The following THADA variants were observed in gnomAD, a reference collection of about 807,000 sequenced individuals.
The protein encoded by THADA is THADA armadillo repeat containing.
Under a neutral mutation model 219.8 loss-of-function variants are expected in THADA, and 213 were observed. That is an observed-to-expected ratio of 0.97 (90% CI 0.87 to 1.09). The LOEUF is 1.09. Among genes scored for constraint, THADA ranks in the 50% least tolerant of loss-of-function variants. The pLI is 0.00. For synonymous variants in THADA, 1,018 were observed against 828.9 expected (o/e 1.23, Z -3.92); for missense variants, 2,956 against 2,311.3 (o/e 1.28, Z -5.72).
chr2:43,411,102 C>A (rs1444223473), intron 28 of THADA, among the ~76,000 whole-genome samples: 1 of 152,140 alleles, frequency 6.6e-6, no homozygotes, highest in Non-Finnish European at 1.5e-5. Context: ...AACAATCACA[C>A]AAGAATTAAA....
At chr2:43,256,473 A>C (rs1040249980) in intron 36 of THADA, among the ~76,000 whole-genome samples, 8 of 151,932 alleles carry the variant, frequency 5.3e-5, no homozygotes, top group African/African-American at 1.9e-4. Context: ...CAGGGGCATG[A>C]TCACGGCTCA....
intron 29 of THADA, among the ~76,000 whole-genome samples, chr2:43,396,913 G>C (rs186648274): frequency 6.6e-6 from 1 of 152,170 alleles, no homozygotes; most frequent in East Asian, 1.9e-4. Flanking sequence ...TATAGTATAG[G>C]TTTATTAAAA....
At chr2:43,282,476 C>G (rs915415368) in intron 35 of THADA, among the ~76,000 whole-genome samples, 10 of 152,200 alleles carry the variant, frequency 6.6e-5, no homozygotes, top group Non-Finnish European at 1.5e-4. Flanking sequence ...TTCCTTTATT[C>G]TATAAATCCT....
chr2:43,318,994 G>A (rs1678394764), intron 31 of THADA, among the ~76,000 whole-genome samples: 2 of 152,198 alleles, frequency 1.3e-5, no homozygotes, highest in South Asian at 4.1e-4. Flanking sequence ...ACCATAAACT[G>A]CCAGAATCCC....
intron 22 of THADA, among the ~76,000 whole-genome samples, chr2:43,522,001 A>C (rs1161626381): frequency 6.6e-6 from 1 of 152,148 alleles, no homozygotes; most frequent in Non-Finnish European, 1.5e-5. Context: ...AAACTCTTTC[A>C]GTATGATTTA....
At chr2:43,413,093 G>C (rs1054704126) in intron 28 of THADA, among the ~76,000 whole-genome samples, 1 of 151,968 alleles carries the variant, frequency 6.6e-6, no homozygotes, top group Non-Finnish European at 1.5e-5. Flanking sequence ...TTTGAAATAG[G>C]GTTATTTTCT....
chr2:43,282,687 T>C (rs1447922852), intron 35 of THADA, among the ~76,000 whole-genome samples: 1 of 152,204 alleles, frequency 6.6e-6, no homozygotes, highest in Admixed American at 6.5e-5. Flanking sequence ...GGTTTCCTTT[T>C]ATTAAACCCT....
At chr2:43,427,638 T>C (rs1011144164) in intron 28 of THADA, among the ~76,000 whole-genome samples, 1 of 148,634 alleles carries the variant, frequency 6.7e-6, no homozygotes, top group African/African-American at 2.4e-5. Flanking sequence ...TTTTAATATA[T>C]ACAATAGGTT....
intron 29 of THADA, among the ~76,000 whole-genome samples, chr2:43,381,230 C>A (rs1671991605): frequency 6.6e-6 from 1 of 150,534 alleles, no homozygotes; most frequent in Admixed American, 6.6e-5. Flanking sequence ...ACTGGAGCAA[C>A]AAAATAAATA....
chr2:43,442,776 G>C (rs1681012504), intron 26 of THADA, among the ~76,000 whole-genome samples: 1 of 152,092 alleles, frequency 6.6e-6, no homozygotes, highest in Non-Finnish European at 1.5e-5. Flanking sequence ...ACCTCAACTA[G>C]AGCACAGATT....
intron 4 of THADA, among the ~76,000 whole-genome samples, chr2:43,588,085 G>C (rs190464958): frequency 6.6e-5 from 10 of 152,284 alleles, no homozygotes; most frequent in Admixed American, 5.9e-4. Flanking sequence ...TGGTGTTGGT[G>C]TATGAATAAT....
At chr2:43,272,537 A>C (rs1672250158) in intron 36 of THADA, among the ~76,000 whole-genome samples, 1 of 152,096 alleles carries the variant, frequency 6.6e-6, no homozygotes, top group African/African-American at 2.4e-5. Context: ...CTCATCTCAT[A>C]CTTAAATAGT....
At chr2:43,333,180 T>C (rs1204947301) in intron 30 of THADA, 2 of 152,226 alleles carry the variant, frequency 1.3e-5, no homozygotes. Context: ...TGGGTTGAAA[T>C]ACGATAATGT....
chr2:43,528,642 A>G (rs1238284847), intron 21 of THADA, among the ~76,000 whole-genome samples: 1 of 152,214 alleles, frequency 6.6e-6, no homozygotes, highest in African/African-American at 2.4e-5. Context: ...CTGCTACACT[A>G]GAACTGCCTT....
chr2:43,473,575 T>G (rs950153321), intron 26 of THADA, among the ~76,000 whole-genome samples: 10 of 152,146 alleles, frequency 6.6e-5, no homozygotes, highest in Non-Finnish European at 1.3e-4. Context: ...ATCATCGTTT[T>G]GTGTCAAGTA....
intron 19 of THADA, 68 bp from the exon 20 acceptor site, chr2:43,549,436 G>A (rs576713375): frequency 6.2e-6 from 9 of 1,461,564 alleles, no homozygotes; most frequent in Non-Finnish European, 8.2e-6. Context: ...CCTTGGGGAT[G>A]CTTACTCAAA....
intron 36 of THADA, among the ~76,000 whole-genome samples, chr2:43,276,548 G>T (rs1373772117): frequency 2.0e-5 from 3 of 152,168 alleles, no homozygotes; most frequent in East Asian, 3.9e-4. Flanking sequence ...TTTAATGCTT[G>T]CCTATTCTAC....
Position 43,531,651 on chromosome 2 carries a change from T to A in THADA, c.3265-3663A>T, listed in dbSNP as rs556385833. 1.8e-3 allele frequency among the ~76,000 whole-genome samples: 267 copies of A among 152,200 alleles called. 1 individual carries two copies. Among genetic ancestry groups the A allele is most frequent in the African/African-American group, 6.2e-3 (256 of 41,526 alleles). On this transcript the variant is annotated intron_variant, in intron 21 of 37. Transcript: ENST00000405975. ...TTAATAACAACAAAATCAGAAACAA[T>A]TTCAAAATTTGATTTTTAAAATGAA...
intron 29 of THADA, among the ~76,000 whole-genome samples, chr2:43,353,224 T>A (rs969004304): frequency 6.6e-6 from 1 of 152,216 alleles, no homozygotes; most frequent in Non-Finnish European, 1.5e-5. Flanking sequence ...TTATGATGGT[T>A]CTATTTGTAA....
Sources: gnomAD v4.1 joint callset for allele counts (sites outside exome capture counted in the v4.1 genomes callset) on GRCh38, gnomAD v4.1.1 for gene constraint, MANE v1.5 for transcripts, NCBI Gene and HGNC (gene_info 2026-07-23, HGNC 2026-07-21) for gene names.